The following MALRD1 variants were observed in gnomAD, a reference collection of about 807,000 sequenced individuals.
MALRD1 encodes MAM and LDL receptor class A domain containing 1.
A neutral mutation model predicts 242.1 loss-of-function variants in MALRD1; 247 were observed. The observed-to-expected ratio is 1.02, with a 90% confidence interval of 0.92 to 1.13. The LOEUF (loss-of-function observed/expected upper bound fraction) is 1.13. Ranked by LOEUF, MALRD1 falls within the 50% of genes most tolerant of loss-of-function variation. The pLI is 0.00. For missense variants in MALRD1, 2,989 were observed against 2,533.1 expected, an observed-to-expected ratio of 1.18 and a Z score of -3.86; for synonymous variants, 995 against 866.6, an observed-to-expected ratio of 1.15 and a Z score of -2.60.
chr10:19,693,689 A>T (rs201533579), intron 38 of MALRD1, among the ~76,000 whole-genome samples: 5 of 152,092 alleles, frequency 3.3e-5, no homozygotes, highest in East Asian at 1.9e-4. Flanking sequence ...CCCATCAAGC[A>T]ACCAATGACT....
chr10:19,157,064 T>C (rs1408186004), intron 12 of MALRD1, among the ~76,000 whole-genome samples: 1 of 152,144 alleles, frequency 6.6e-6, no homozygotes, highest in Non-Finnish European at 1.5e-5. Flanking sequence ...CGCTTTTCTC[T>C]ATTTTAGGAG....
At chr10:19,594,124 A>G (rs1016953045) in intron 33 of MALRD1, among the ~76,000 whole-genome samples, 3 of 152,136 alleles carry the variant, frequency 2.0e-5, no homozygotes, top group Admixed American at 2.0e-4. Flanking sequence ...AGTTCCCTTA[A>G]ATTCTTAAAC....
chr10:19,594,707 A>AT (rs1564469656), intron 33 of MALRD1, among the ~76,000 whole-genome samples: 1 of 152,202 alleles, frequency 6.6e-6, no homozygotes, highest in African/African-American at 2.4e-5. Context: ...GCTGGAGGCC[A>AT]TTATTCTAAA....
chr10:19,223,810 G>C (rs1837664808), intron 18 of MALRD1, among the ~76,000 whole-genome samples: 1 of 152,078 alleles, frequency 6.6e-6, no homozygotes, highest in Non-Finnish European at 1.5e-5. Flanking sequence ...TTGGTTTTCT[G>C]TTCTTGTGTT....
intron 11 of MALRD1, among the ~76,000 whole-genome samples, chr10:19,154,221 C>T (rs1834045285): frequency 6.6e-6 from 1 of 152,192 alleles, no homozygotes; most frequent in Admixed American, 6.6e-5. Flanking sequence ...TGCTGCCTCA[C>T]ATCCTTGGTT....
At chr10:19,207,248 C>G (rs1337012229) in intron 17 of MALRD1, among the ~76,000 whole-genome samples, 1 of 151,934 alleles carries the variant, frequency 6.6e-6, no homozygotes, top group African/African-American at 2.4e-5. Flanking sequence ...AAAATCTGTC[C>G]CCTTCCTCCA....
intron 33 of MALRD1, among the ~76,000 whole-genome samples, chr10:19,574,313 T>C (rs1043239263): frequency 6.6e-6 from 1 of 152,208 alleles, no homozygotes; most frequent in Non-Finnish European, 1.5e-5. Flanking sequence ...GTTCCTGTTA[T>C]GCAGTAAGCA....
chr10:19,088,040 TCTC>T lies in MALRD1; in HGVS notation c.455_457del (p.Ser152del). 8.1e-7 allele frequency: 1 copy of T among 1,233,526 alleles called. No homozygotes were observed. Among genetic ancestry groups the T allele is most frequent in the Non-Finnish European group, 1.0e-6 (1 of 987,894 alleles). 76.4% of individuals were successfully genotyped at this position (1,233,526 alleles called of 1,614,324 possible). The stretch of plus-strand genomic sequence containing the variant: ...CTTTCACAGATTACATTTTATTACT[TCTC>T]CTGCCAAGTGAGTGGCAAATTAATG... On this transcript the variant is annotated inframe_deletion, in exon 4 of 40. Coordinates refer to ENST00000454679, the MANE Select transcript of MALRD1 (RefSeq NM_001142308.3).
At chr10:19,260,032 TTGTTGG>T (rs1281482353) in intron 19 of MALRD1, among the ~76,000 whole-genome samples, 3 of 152,162 alleles carry the variant, frequency 2.0e-5, no homozygotes, top group African/African-American at 7.2e-5. Flanking sequence ...CAACAAATAG[TTGTTGG>T]ATGGATAAGT....
At chr10:19,105,660 A>T (rs571883828) in intron 5 of MALRD1, among the ~76,000 whole-genome samples, 2 of 152,032 alleles carry the variant, frequency 1.3e-5, no homozygotes, top group Non-Finnish European at 2.9e-5. Context: ...GTATATAAGT[A>T]TTCCCATTTA....
intron 26 of MALRD1, among the ~76,000 whole-genome samples, chr10:19,363,432 G>A (rs1426430041): frequency 2.0e-5 from 3 of 152,136 alleles, no homozygotes; most frequent in African/African-American, 4.8e-5. Context: ...GAGTGACTAC[G>A]TCAGATGTTG....
chr10:19,060,553 C>T (rs1237889851), intron 1 of MALRD1, among the ~76,000 whole-genome samples: 2 of 152,214 alleles, frequency 1.3e-5, no homozygotes, highest in African/African-American at 4.8e-5. Flanking sequence ...GATCTTCTCA[C>T]TCTCCCATTG....
chr10:19,243,056 C>A (rs1372142851), intron 18 of MALRD1, among the ~76,000 whole-genome samples: 2 of 138,532 alleles, frequency 1.4e-5, no homozygotes, highest in East Asian at 2.1e-4. Flanking sequence ...AGCTTTGTTT[C>A]TTTTCCCTTT....
At chr10:19,586,863 T>C (rs1379015267) in intron 33 of MALRD1, among the ~76,000 whole-genome samples, 1 of 152,158 alleles carries the variant, frequency 6.6e-6, no homozygotes, top group Admixed American at 6.5e-5. Flanking sequence ...GACTGCTGCG[T>C]TAGCAATCAG....
At chr10:19,689,949 A>G (rs1842750935) in intron 36 of MALRD1, among the ~76,000 whole-genome samples, 2 of 152,168 alleles carry the variant, frequency 1.3e-5, no homozygotes, top group South Asian at 4.1e-4. Context: ...AGTAATCTCT[A>G]CTCCCATTTG....
Position 19,387,545 on chromosome 10 carries a change from T to C in MALRD1, c.4459T>C (p.Tyr1487His). Residue 1487 changes from tyrosine to histidine, a missense_variant, in exon 27 of 40, where the codon TAT (tyrosine) becomes CAT (histidine). By Grantham distance (83) the Tyr-to-His change is moderately conservative. Transcript: ENST00000454679. Reference sequence around the variant, plus strand: ...TGTTTTAGGTTTCTGCCCACTTGGCTATAGGGAATGTCATAATGGAAAATG... The same window carrying C: ...TGTTTTAGGTTTCTGCCCACTTGGCCATAGGGAATGTCATAATGGAAAATG... The part of the protein sequence containing the change: ...PLPTGFCPLG[Y>H]RECHNGKCYR... The C allele has an allele frequency of 6.4e-7, 1 of 1,550,400 alleles. No individual in the cohort carries two copies. The highest frequency in any genetic ancestry group is 1.4e-5 in the African/African-American group (1 of 73,166).
chr10:19,568,267 C>T (rs1299040769), intron 33 of MALRD1, among the ~76,000 whole-genome samples: 1 of 152,212 alleles, frequency 6.6e-6, no homozygotes, highest in Non-Finnish European at 1.5e-5. Flanking sequence ...TGTTCCCTTA[C>T]TGAGTCTTCC....
At chr10:19,278,203 AC>A (rs757837904) in intron 19 of MALRD1, among the ~76,000 whole-genome samples, 2 of 152,166 alleles carry the variant, frequency 1.3e-5, no homozygotes, top group Non-Finnish European at 2.9e-5. Context: ...AATAAAAAAA[AC>A]AGTTTAATGT....
chr10:19,402,380 G>T (rs547260167), intron 28 of MALRD1, among the ~76,000 whole-genome samples: 4 of 152,232 alleles, frequency 2.6e-5, no homozygotes, highest in African/African-American at 9.6e-5. Context: ...AATCACGGGG[G>T]TGATTTCCCC....
Sources: allele counts gnomAD v4.1 joint callset (sites outside exome capture counted in the v4.1 genomes callset), GRCh38; gene constraint gnomAD v4.1.1; transcripts MANE v1.5; gene names NCBI Gene and HGNC (gene_info 2026-07-23, HGNC 2026-07-21).